PHACTR1: variants seen among roughly 807,000 people sequenced by gnomAD.
The protein encoded by PHACTR1 is phosphatase and actin regulator 1.
Under a neutral mutation model 69.2 loss-of-function variants are expected in PHACTR1, and 16 were observed. The ratio of observed to expected loss-of-function variants is 0.23; its 90% CI spans 0.16 to 0.35. The LOEUF (loss-of-function observed/expected upper bound fraction) is 0.35, where lower values mean the gene tolerates loss of function less well. Among genes scored for constraint, PHACTR1 ranks in the 10% least tolerant of loss-of-function variants. The pLI is 1.00. For synonymous variants in PHACTR1, 312 were observed against 284.5 expected (o/e 1.10, Z -0.97); for missense variants, 510 against 734.7 (o/e 0.69, Z 3.54).
At chr6:12,858,454 A>G (rs543822484) in intron 4 of PHACTR1, among the ~76,000 whole-genome samples, 1 of 152,262 alleles carries the variant, frequency 6.6e-6, no homozygotes, top group East Asian at 1.9e-4. Context: ...ATAGTGGCAC[A>G]TTTGCTGTAT....
chr6:12,997,901 C>G (rs1395546430), intron 4 of PHACTR1, among the ~76,000 whole-genome samples: 1 of 151,824 alleles, frequency 6.6e-6, no homozygotes, highest in Non-Finnish European at 1.5e-5. Flanking sequence ...TGCAGTGAGC[C>G]GAGATCACGC....
At chr6:13,092,409 G>A (rs1212499386) in intron 5 of PHACTR1, among the ~76,000 whole-genome samples, 2 of 152,156 alleles carry the variant, frequency 1.3e-5, no homozygotes, top group Non-Finnish European at 2.9e-5. Flanking sequence ...GGTGAACCAG[G>A]CAGATGTCAT....
intron 4 of PHACTR1, among the ~76,000 whole-genome samples, chr6:12,943,082 G>A (rs866851459): frequency 2.6e-5 from 4 of 152,110 alleles, no homozygotes; most frequent in Admixed American, 6.5e-5. Flanking sequence ...TCATAGCAGC[G>A]TTACTCACAA....
chr6:13,181,327 GTT>G (rs1364935849), intron 6 of PHACTR1, among the ~76,000 whole-genome samples: 1 of 152,150 alleles, frequency 6.6e-6, no homozygotes, highest in African/African-American at 2.4e-5. Flanking sequence ...TCACTTAACT[GTT>G]TCTTTTCTAC....
At chr6:13,076,950 G>A (rs548427232) in intron 5 of PHACTR1, among the ~76,000 whole-genome samples, 1 of 121,232 alleles carries the variant, frequency 8.2e-6, no homozygotes, top group African/African-American at 3.1e-5. Flanking sequence ...GCGGTGGGGT[G>A]GGGGGAGGGG....
At chr6:13,088,333 A>C (rs1426374068) in intron 5 of PHACTR1, among the ~76,000 whole-genome samples, 1 of 146,704 alleles carries the variant, frequency 6.8e-6, no homozygotes, top group Non-Finnish European at 1.5e-5. Flanking sequence ...CAAAAAAAAA[A>C]CCCTCAGTAC....
intron 8 of PHACTR1, among the ~76,000 whole-genome samples, chr6:13,207,563 C>T (rs1208245560): frequency 6.6e-6 from 1 of 152,062 alleles, no homozygotes; most frequent in Non-Finnish European, 1.5e-5. Context: ...CTCAATTACT[C>T]TTGATTGTGT....
chr6:12,894,392 G>A (rs1027385680), intron 4 of PHACTR1, among the ~76,000 whole-genome samples: 9 of 152,210 alleles, frequency 5.9e-5, no homozygotes, highest in African/African-American at 1.9e-4. Context: ...ATCACTTGAG[G>A]TCAGGAGTTC....
rs78612683 is a variant in PHACTR1 at position 12,802,829 on chromosome 6, C to T, written c.250+53039C>T. On this transcript the variant is annotated intron_variant, in intron 4 of 14. Coordinates refer to ENST00000332995, the MANE Select transcript of PHACTR1 (RefSeq NM_030948.6). ...AAAGCCCCTTGGCACCCAAGATTCTCGTCTCTATCATTTTATTCCGAGAGA... is the reference window on the plus strand; with the variant it reads ...AAAGCCCCTTGGCACCCAAGATTCTTGTCTCTATCATTTTATTCCGAGAGA... 7.2e-3 allele frequency among the ~76,000 whole-genome samples: 1,092 copies of T among 152,278 alleles called. 53 individuals are homozygous for T. The East Asian group carries it at 0.12, about 17-fold the overall frequency.
intron 4 of PHACTR1, among the ~76,000 whole-genome samples, chr6:12,796,837 G>C (rs535307921): frequency 6.6e-6 from 1 of 152,262 alleles, no homozygotes; most frequent in South Asian, 2.1e-4. Context: ...GGACACTTTT[G>C]TAAAATTCTC....
chr6:12,855,187 A>G (rs1780226125), intron 4 of PHACTR1, among the ~76,000 whole-genome samples: 1 of 152,234 alleles, frequency 6.6e-6, no homozygotes, highest in Admixed American at 6.5e-5. Flanking sequence ...TACATACACC[A>G]TGAAATACTA....
chr6:13,048,195 A>G (rs1015863300), intron 4 of PHACTR1, among the ~76,000 whole-genome samples: 1 of 152,134 alleles, frequency 6.6e-6, no homozygotes, highest in Non-Finnish European at 1.5e-5. Context: ...TTGCTTGCCC[A>G]TGGCTCTCTC....
In PHACTR1 at chr6:13,283,708, C is replaced by T. The variant is rs975664324; in HGVS notation, c.1650+146C>T. On this transcript the variant is annotated intron_variant, in intron 13 of 14. Transcript: ENST00000332995. This position sits in a 1 kb window ranked among gnomAD's most constrained non-coding sequence, Gnocchi z 4.7. The stretch of plus-strand genomic sequence containing the variant: ...GGAGTGTTGAGACCCCAACACCTTT[C>T]CCCAGGGGCCACAGATAATCTGCGG... 82 of 1,149,916 alleles carry T rather than the reference C, an allele frequency of 7.1e-5. No homozygotes were observed. The highest frequency in any genetic ancestry group is 1.0e-4 in the Non-Finnish European group (80 of 795,894). The allele number at this position is 1,149,916 out of a possible 1,614,324, so 71.2% of individuals were successfully genotyped here.
At chr6:13,038,695 A>G (rs998401501) in intron 4 of PHACTR1, among the ~76,000 whole-genome samples, 8 of 152,150 alleles carry the variant, frequency 5.3e-5, no homozygotes, top group African/African-American at 1.7e-4. Flanking sequence ...GCTGCATAAA[A>G]CCAACTTAAA....
At chr6:12,794,762 G>C (rs545972544) in intron 4 of PHACTR1, among the ~76,000 whole-genome samples, 4 of 152,290 alleles carry the variant, frequency 2.6e-5, no homozygotes, top group Admixed American at 2.6e-4. Context: ...GGTGTCTACT[G>C]TTTGTCTGGT....
At chr6:12,817,824 AT>A (rs1235021628) in intron 4 of PHACTR1, among the ~76,000 whole-genome samples, 7,389 of 142,076 alleles carry the variant, frequency 0.052, 203 homozygotes, top group Middle Eastern at 0.082. Flanking sequence ...GTTTACTTTA[AT>A]TTTTTTTTTT....
At chr6:12,875,856 A>T (rs1782479535) in intron 4 of PHACTR1, among the ~76,000 whole-genome samples, 1 of 152,046 alleles carries the variant, frequency 6.6e-6, no homozygotes, top group Non-Finnish European at 1.5e-5. Context: ...TTGCTTATGA[A>T]TCTCCACCGT....
At chr6:12,937,961 A>G (rs4711872) in intron 4 of PHACTR1, among the ~76,000 whole-genome samples, 151,826 of 152,254 alleles carry the variant, frequency 1, 75,700 homozygotes, top group Middle Eastern at 1. Context: ...GTAGCCAGGC[A>G]TGGTAGCACA....
intron 5 of PHACTR1, among the ~76,000 whole-genome samples, chr6:13,115,556 T>C (rs1465485197): frequency 6.6e-6 from 1 of 152,118 alleles, no homozygotes; most frequent in African/African-American, 2.4e-5. Flanking sequence ...AGATAGTTTA[T>C]GTGGGAGGTG....
Sources: gnomAD v4.1 joint callset for allele counts (sites outside exome capture counted in the v4.1 genomes callset) on GRCh38, gnomAD v4.1.1 for gene constraint, Gnocchi (gnomAD v3.1) non-coding constraint, MANE v1.5 for transcripts, NCBI Gene and HGNC (gene_info 2026-07-23, HGNC 2026-07-21) for gene names.